The following SLC33A2 variants were observed in gnomAD, a reference collection of about 807,000 sequenced individuals.
SLC33A2 encodes the protein solute carrier family 33 member 2, also known as major facilitator superfamily domain containing 3.
the SLC33A2 span, chr8:144,509,172 G>A: frequency 3.0e-6 from 2 of 661,696 alleles, no homozygotes; most frequent in East Asian, 3.4e-5. Context: ...TAAAGCCCGA[G>A]AGCACGTGTC....
At chr8:144,509,537 C>T in the SLC33A2 span, 1 of 1,522,932 alleles carries the variant, frequency 6.6e-7, no homozygotes, top group Non-Finnish European at 8.8e-7. Flanking sequence ...CGGCGAGGGC[C>T]TGGGTGACGC....
chr8:144,509,184 A>G, the SLC33A2 span: 4 of 764,240 alleles, frequency 5.2e-6, no homozygotes, highest in Non-Finnish European at 7.8e-6. Flanking sequence ...GCACGTGTCC[A>G]GACCCTAGCC....
the SLC33A2 span, chr8:144,510,683 A>G: frequency 1.3e-6 from 2 of 1,560,064 alleles, no homozygotes; most frequent in African/African-American, 2.7e-5. Context: ...CCACCTGGAC[A>G]CCCTGGGGGC....
the SLC33A2 span, chr8:144,510,998 A>G: frequency 6.2e-7 from 1 of 1,601,064 alleles, no homozygotes; most frequent in Non-Finnish European, 8.5e-7. Context: ...CAGGCCACAC[A>G]CTACAGCCTT....
the SLC33A2 span, chr8:144,509,393 G>T: frequency 6.6e-7 from 1 of 1,526,054 alleles, no homozygotes. Context: ...TGCCCTACGG[G>T]CTCCAGTCCG....
At chr8:144,509,368 A>C in the SLC33A2 span, 1 of 1,499,888 alleles carries the variant, frequency 6.7e-7, no homozygotes, top group Non-Finnish European at 8.8e-7. Flanking sequence ...GCCGGCCTCT[A>C]CCTGGTGCAG....
At chr8:144,511,042 C>T in the SLC33A2 span, 139 of 1,604,996 alleles carry the variant, frequency 8.7e-5, no homozygotes, top group South Asian at 4.4e-5. Flanking sequence ...GAAGCTGCTG[C>T]TGGGCACTCT....
At chr8:144,509,474 C>A in the SLC33A2 span, 1 of 1,535,664 alleles carries the variant, frequency 6.5e-7, no homozygotes, top group Non-Finnish European at 8.7e-7. Context: ...AGGTTCTGTA[C>A]GCTCCGTGGC....
the SLC33A2 span, chr8:144,511,048 ACT>A: frequency 6.2e-7 from 1 of 1,605,658 alleles, no homozygotes; most frequent in African/African-American, 1.3e-5. Flanking sequence ...GCTGCTGGGC[ACT>A]CTGGCCGGAG....
At chr8:144,510,132 A>T in the SLC33A2 span, 4 of 1,358,702 alleles carry the variant, frequency 2.9e-6, no homozygotes, top group South Asian at 5.6e-5. Flanking sequence ...TATGACCTGC[A>T]AGACTTGGCC....
At chr8:144,511,141 C>G in the SLC33A2 span, 6 of 1,610,390 alleles carry the variant, frequency 3.7e-6, no homozygotes, top group East Asian at 1.3e-4. Flanking sequence ...GTACCTGGAC[C>G]TAGCACCCAG....
At chr8:144,510,021 T>C in the SLC33A2 span, 2 of 1,590,952 alleles carry the variant, frequency 1.3e-6, no homozygotes, top group Admixed American at 3.4e-5. Flanking sequence ...GCTGGGTGAG[T>C]GAGGCCTCGA....
the SLC33A2 span, chr8:144,509,801 G>GCTGCTGCCC: frequency 6.5e-7 from 1 of 1,545,242 alleles, no homozygotes; most frequent in East Asian, 2.4e-5. Context: ...CGCTGCTGGC[G>GCTGCTGCCC]CTGCTGCCCA....
At chr8:144,510,622 G>C in the SLC33A2 span, 3 of 1,569,692 alleles carry the variant, frequency 1.9e-6, no homozygotes, top group Non-Finnish European at 8.7e-7. Context: ...TGTTGAGGTC[G>C]GTGCTGCGCT....
chr8:144,511,114 T>C, the SLC33A2 span: 3 of 1,610,432 alleles, frequency 1.9e-6, no homozygotes, highest in Non-Finnish European at 2.5e-6. Flanking sequence ...GCTCATCCTC[T>C]CTGCCTTTCC....
chr8:144,510,295 T>C, the SLC33A2 span: 11 of 1,593,718 alleles, frequency 6.9e-6, no homozygotes, highest in African/African-American at 1.3e-4. Context: ...AGGGCCCAGG[T>C]GGGGAGAAGG....
At chr8:144,510,815 G>C in the SLC33A2 span, 1 of 1,611,472 alleles carries the variant, frequency 6.2e-7, no homozygotes, top group South Asian at 1.1e-5. Context: ...CTGAGCCTAT[G>C]TCTGCAGCAC....
chr8:144,510,744 G>A, the SLC33A2 span: 1 of 1,603,650 alleles, frequency 6.2e-7, no homozygotes, highest in East Asian at 2.2e-5. Flanking sequence ...GCCTTGAGGA[G>A]GAAGAGAGGG....
At chr8:144,509,872 T>G in the SLC33A2 span, 1 of 1,541,340 alleles carries the variant, frequency 6.5e-7, no homozygotes, top group Non-Finnish European at 8.7e-7. Flanking sequence ...GCCGCGGCCC[T>G]GGCCTGGGCT....
Sources: gnomAD v4.1 joint callset for allele counts on GRCh38, gnomAD v4.1.1 for gene constraint, MANE v1.5 for transcripts, NCBI Gene and HGNC (gene_info 2026-07-23, HGNC 2026-07-21) for gene names.